SH2D4B: variants seen among roughly 807,000 people sequenced by gnomAD.
The protein encoded by SH2D4B is SH2 domain-containing protein 4B.
A neutral mutation model predicts 61.5 loss-of-function variants in SH2D4B; 45 were observed. The ratio of observed to expected loss-of-function variants is 0.73; its 90% CI spans 0.58 to 0.94. The LOEUF (loss-of-function observed/expected upper bound fraction) is 0.94. Among genes scored for constraint, SH2D4B ranks in the 40% least tolerant of loss-of-function variants. SH2D4B has a pLI of 0.00. For missense variants in SH2D4B, 572 were observed against 574.2 expected, an observed-to-expected ratio of 1.00 and a Z score of 0.04; for synonymous variants, 224 against 220.4, an observed-to-expected ratio of 1.02 and a Z score of -0.14.
chr10:80,629,041 A>AAAAAAAGAAAAG (rs1554818356), intron 6 of SH2D4B, among the ~76,000 whole-genome samples: 2 of 143,954 alleles, frequency 1.4e-5, no homozygotes, highest in Non-Finnish European at 3.2e-5. Context: ...AAAAAAAAAA[A>AAAAAAAGAAAAG]GAAAAAGAAA....
chr10:80,591,568 G>A (rs1842327733), intron 4 of SH2D4B, among the ~76,000 whole-genome samples: 2 of 147,842 alleles, frequency 1.4e-5, no homozygotes, highest in South Asian at 2.1e-4. Context: ...GTGCAGTGGC[G>A]TGATCTCAGC....
intron 3 of SH2D4B, among the ~76,000 whole-genome samples, chr10:80,588,225 A>C (rs368789548): frequency 1.4e-3 from 215 of 152,258 alleles, no homozygotes; most frequent in African/African-American, 5.0e-3. Context: ...AGCAGGTAAG[A>C]AATATAACAA....
intron 6 of SH2D4B, among the ~76,000 whole-genome samples, chr10:80,616,359 T>C (rs1842660426): frequency 6.6e-6 from 1 of 152,198 alleles, no homozygotes; most frequent in Non-Finnish European, 1.5e-5. Context: ...TGACCCACTT[T>C]CCTCTTAAGT....
chr10:80,563,196 C>T (rs900373333), intron 1 of SH2D4B, among the ~76,000 whole-genome samples: 4 of 152,154 alleles, frequency 2.6e-5, no homozygotes, highest in African/African-American at 9.7e-5. Flanking sequence ...CCACCGCGCC[C>T]GGCCGATGCT....
intron 4 of SH2D4B, among the ~76,000 whole-genome samples, chr10:80,596,936 G>A (rs1229967110): frequency 2.6e-5 from 4 of 151,236 alleles, no homozygotes; most frequent in African/African-American, 4.9e-5. Context: ...CTGCATCTGC[G>A]GATTCACTCA....
intron 5 of SH2D4B, among the ~76,000 whole-genome samples, chr10:80,607,829 C>G (rs1261467975): frequency 1.3e-5 from 2 of 152,154 alleles, no homozygotes; most frequent in South Asian, 2.1e-4. Flanking sequence ...TCTCCTGTCA[C>G]TCAGTTGGAA....
At chr10:80,590,296 G>A (rs1438854239) in intron 4 of SH2D4B, among the ~76,000 whole-genome samples, 1 of 152,164 alleles carries the variant, frequency 6.6e-6, no homozygotes, top group African/African-American at 2.4e-5. Context: ...GGGAGACAGT[G>A]GCTCAGAGTG....
intron 3 of SH2D4B, among the ~76,000 whole-genome samples, chr10:80,584,297 T>G (rs1842217459): frequency 6.6e-6 from 1 of 152,192 alleles, no homozygotes; most frequent in Non-Finnish European, 1.5e-5. Flanking sequence ...TGGTAACCAG[T>G]GCAGATGGGA....
intron 3 of SH2D4B, among the ~76,000 whole-genome samples, chr10:80,573,606 G>T (rs958275453): frequency 1.3e-5 from 2 of 152,038 alleles, no homozygotes; most frequent in African/African-American, 4.8e-5. Flanking sequence ...CTTCTCATTT[G>T]ACTTGCTGCC....
chr10:80,588,823 C>T lies in SH2D4B; in HGVS notation c.643+46C>T, dbSNP rs373809149. Reference sequence around the variant, plus strand: ...AGGCAGGGAGACCAGTCCCGCCTCCCCACCCACCTCCTCCCAATGCTGATG... The same window carrying T: ...AGGCAGGGAGACCAGTCCCGCCTCCTCACCCACCTCCTCCCAATGCTGATG... On this transcript the variant is annotated intron_variant, in intron 4 of 7. Transcript: ENST00000646907. The T allele has an allele frequency of 5.0e-6, 8 of 1,606,224 alleles. No individual in the cohort carries two copies. The African/African-American group carries it at 1.1e-4, about 21-fold the overall frequency.
At chr10:80,544,699 G>C (rs1373310856) in intron 1 of SH2D4B, among the ~76,000 whole-genome samples, 1 of 152,246 alleles carries the variant, frequency 6.6e-6, no homozygotes, top group Non-Finnish European at 1.5e-5. Context: ...TGGTGGCCCT[G>C]ATCTCAGTGC....
At chr10:80,612,920 T>C (rs1417665631) in intron 6 of SH2D4B, among the ~76,000 whole-genome samples, 2 of 152,240 alleles carry the variant, frequency 1.3e-5, no homozygotes, top group East Asian at 3.8e-4. Flanking sequence ...ACCTTGGATG[T>C]GTCCTTTAAA....
At chr10:80,567,126 T>G (rs1378518977) in intron 1 of SH2D4B, among the ~76,000 whole-genome samples, 2 of 152,176 alleles carry the variant, frequency 1.3e-5, no homozygotes, top group Admixed American at 1.3e-4. Flanking sequence ...TTTTTTTCCG[T>G]GAAATTCCAC....
chr10:80,543,317 G>C (rs1280361778), intron 1 of SH2D4B, among the ~76,000 whole-genome samples: 1 of 152,136 alleles, frequency 6.6e-6, no homozygotes, highest in Non-Finnish European at 1.5e-5. Flanking sequence ...GGGGGGCGTG[G>C]GCTGGGCGGA....
intron 3 of SH2D4B, among the ~76,000 whole-genome samples, chr10:80,583,067 G>A (rs1478608954): frequency 6.6e-6 from 1 of 152,124 alleles, no homozygotes; most frequent in African/African-American, 2.4e-5. Context: ...GAATAGTCAG[G>A]GAACATCAGA....
intron 3 of SH2D4B, among the ~76,000 whole-genome samples, chr10:80,584,583 T>C (rs139159473): frequency 4.6e-5 from 7 of 152,374 alleles, no homozygotes; most frequent in African/African-American, 1.7e-4. Flanking sequence ...ATAAAAGTGT[T>C]GCTTATTAAA....
chr10:80,604,991 C>A (rs1315123325), intron 5 of SH2D4B, among the ~76,000 whole-genome samples: 1 of 152,160 alleles, frequency 6.6e-6, no homozygotes, highest in African/African-American at 2.4e-5. Flanking sequence ...GATGGGGTTT[C>A]ACTGTGTTAG....
At chr10:80,617,295 G>A (rs563423793) in intron 6 of SH2D4B, among the ~76,000 whole-genome samples, 19 of 152,326 alleles carry the variant, frequency 1.2e-4, no homozygotes, top group African/African-American at 4.3e-4. Context: ...ACACTGCCCT[G>A]CCTTACTGCT....
intron 1 of SH2D4B, among the ~76,000 whole-genome samples, chr10:80,544,227 A>G (rs1165743629): frequency 6.6e-6 from 1 of 151,598 alleles, no homozygotes; most frequent in South Asian, 2.1e-4. Flanking sequence ...AGAATGAACA[A>G]CTCCAGAGGC....
Sources: gnomAD v4.1 joint callset for allele counts (sites outside exome capture counted in the v4.1 genomes callset) on GRCh38, gnomAD v4.1.1 for gene constraint, MANE v1.5 for transcripts, NCBI Gene and HGNC (gene_info 2026-07-23, HGNC 2026-07-21) for gene names.